Variants in ST14 observed in about 807,000 individuals in gnomAD.
ST14 encodes the protein ST14 transmembrane serine protease matriptase, also known as suppressor of tumorigenicity 14 protein.
Under a neutral mutation model 96.5 loss-of-function variants are expected in ST14, and 40 were observed. The ratio of observed to expected loss-of-function variants is 0.41; its 90% confidence interval spans 0.32 to 0.54. The LOEUF is 0.54. ST14 is among the 20% of genes least tolerant of loss of function. The pLI is 0.17. For synonymous variants in ST14, 506 were observed against 492.1 expected, an observed-to-expected ratio of 1.03 and a Z score of -0.37; for missense variants, 1,066 against 1,188.9, an observed-to-expected ratio of 0.90 and a Z score of 1.52.
chr11:130,159,852 C>T lies in ST14; in HGVS notation c.-128C>T, dbSNP rs1479502083. 12 of 324,436 alleles carry T rather than the reference C, an allele frequency of 3.7e-5. No homozygotes were observed. The highest frequency in any genetic ancestry group is 6.1e-5 in the Non-Finnish European group (12 of 196,436). The allele number at this position is 324,436 out of a possible 1,614,324, so 20.1% of individuals were successfully genotyped here. ...GCGCGCCAGGGCGAGGGCACCGCCGCCGGTCGGGCGCGCTGGGCCTGCCCG... is the reference window on the plus strand; with the variant it reads ...GCGCGCCAGGGCGAGGGCACCGCCGTCGGTCGGGCGCGCTGGGCCTGCCCG... On this transcript the variant is annotated 5_prime_UTR_variant, in exon 1 of 19. Coordinates refer to ENST00000278742, the MANE Select transcript of ST14 (RefSeq NM_021978.4).
chr11:130,170,538 G>A (rs574751649), intron 1 of ST14, among the ~76,000 whole-genome samples: 2 of 152,238 alleles, frequency 1.3e-5, no homozygotes, highest in South Asian at 4.1e-4. Flanking sequence ...GTGGCTTGTT[G>A]TGGTCCCGGG....
At chr11:130,161,622 C>T (rs1952999690) in intron 1 of ST14, among the ~76,000 whole-genome samples, 2 of 152,198 alleles carry the variant, frequency 1.3e-5, no homozygotes, top group South Asian at 4.1e-4. Flanking sequence ...TGTCTTGTCA[C>T]CTGCAAGCCC....
chr11:130,208,605 C>A lies in ST14; in HGVS notation c.2190C>A (p.Ile730=). The A allele has an allele frequency of 6.2e-7, 1 of 1,614,118 alleles. No individual in the cohort carries two copies. Among genetic ancestry groups the A allele is most frequent in the African/African-American group, 1.3e-5 (1 of 75,070 alleles). Residue 730 remains isoleucine, a synonymous_variant, in exon 17 of 19, where the codon ATC becomes ATA. Coordinates refer to ENST00000278742, the MANE Select transcript of ST14 (RefSeq NM_021978.4). ...PAEYSSMVRP[I]CLPDASHVFP... is the part of the protein sequence containing the mutation. ...AGTACAGCTCCATGGTGCGGCCCAT[C>A]TGCCTGCCGGACGCCTCCCATGTCT... is the stretch of plus-strand genomic sequence containing the variant.
intron 1 of ST14, among the ~76,000 whole-genome samples, chr11:130,172,122 C>CTT (rs61358236): frequency 1.7e-3 from 258 of 147,608 alleles, no homozygotes; most frequent in Non-Finnish European, 2.7e-3. Context: ...CTTTTGGTTG[C>CTT]TTTTTTTTTT....
intron 1 of ST14, among the ~76,000 whole-genome samples, chr11:130,172,621 G>A (rs1373509952): frequency 6.6e-6 from 1 of 151,624 alleles, no homozygotes; most frequent in African/African-American, 2.4e-5. Context: ...GTTTCACCGT[G>A]TTAGCCAGGA....
chr11:130,188,898 C>T lies in ST14; in HGVS notation c.399C>T (p.Phe133=). ...ALKLLYSGVP[F]LGPYHKESAV... is the part of the protein sequence containing the mutation. ...AGCTGCTGTACAGCGGAGTCCCATT[C>T]CTGGGCCCCTACCACAAGGAGTCGG... The change falls in exon 4 of 19, where the codon TTC becomes TTT. Residue 133 remains phenylalanine, a synonymous_variant. Transcript: ENST00000278742. This position sits in a 1 kb window ranked among gnomAD's most constrained non-coding sequence, Gnocchi z 5.4. The T allele has an allele frequency of 6.2e-7, 1 of 1,612,946 alleles. No homozygotes were observed. The highest frequency in any genetic ancestry group is 8.5e-7 in the Non-Finnish European group (1 of 1,179,632).
intron 1 of ST14, among the ~76,000 whole-genome samples, chr11:130,186,691 A>T (rs1021153472): frequency 1.3e-5 from 2 of 152,124 alleles, no homozygotes; most frequent in African/African-American, 2.4e-5. Flanking sequence ...TATGGATATA[A>T]TTTTTTTTAA....
intron 17 of ST14, 145 bp downstream of exon 17, chr11:130,208,829 G>C: frequency 1.8e-6 from 2 of 1,104,398 alleles, no homozygotes; most frequent in Non-Finnish European, 2.5e-6. Flanking sequence ...GGGCGGAATG[G>C]AGGCCTTTAG....
At chr11:130,194,064 C>T in intron 7 of ST14, 85 bp from the exon 8 acceptor site, 1 of 1,591,032 alleles carries the variant, frequency 6.3e-7, no homozygotes, top group Non-Finnish European at 8.6e-7. Context: ...GGTCCTCAGG[C>T]ACCTCTGCCT....
chr11:130,188,710 C>A lies in ST14; in HGVS notation c.369+53C>A. The A allele has an allele frequency of 1.2e-6, 2 of 1,613,754 alleles. No homozygotes were observed. Among genetic ancestry groups the A allele is most frequent in the South Asian group, 1.1e-5 (1 of 91,062 alleles). On this transcript the variant is annotated intron_variant, in intron 3 of 18. Transcript: ENST00000278742. The surrounding 1 kb of genome is among the most constrained non-coding windows in gnomAD (Gnocchi z 5.4). ...TGGGCTGTGTGCGCTGGTGTCCCAC[C>A]TGCTGGGCAGGAGGGACATGCCTCG...
chr11:130,160,078 A>G lies in ST14; in HGVS notation c.81+18A>G. 1 of 1,412,128 alleles carries G rather than the reference A, an allele frequency of 7.1e-7. No individual in the cohort carries two copies. Among genetic ancestry groups the G allele is most frequent in the Non-Finnish European group, 9.3e-7 (1 of 1,073,032 alleles). The allele number at this position is 1,412,128 out of a possible 1,614,324, so 87.5% of individuals were successfully genotyped here. ...GGCACGAGGTGAGCGCGGGCCGGGG[A>G]CCCGGGGCGCTGGGAAGCTCCTGCC... On this transcript the variant is annotated intron_variant, in intron 1 of 18. Transcript: ENST00000278742.
chr11:130,190,097 C>G lies in ST14; in HGVS notation c.599-16C>G. 6.2e-7 allele frequency: 1 copy of G among 1,614,156 alleles called. No homozygotes were observed. The highest frequency in any genetic ancestry group is 8.5e-7 in the Non-Finnish European group (1 of 1,180,014). Reference sequence around the variant, plus strand: ...ATTGTATCAGGAAATGCTTTATTCTCCTTCTTATTCTTCAGCCACGGACTC... The same window carrying G: ...ATTGTATCAGGAAATGCTTTATTCTGCTTCTTATTCTTCAGCCACGGACTC... On this transcript the variant is annotated splice_polypyrimidine_tract_variant and intron_variant, in intron 5 of 18. Transcript: ENST00000278742.
At chr11:130,194,101 G>T in intron 7 of ST14, 48 bp from the exon 8 acceptor site, 1 of 1,613,870 alleles carries the variant, frequency 6.2e-7, no homozygotes, top group East Asian at 2.2e-5. Flanking sequence ...TGTGTGAGAA[G>T]CTTGGGTTCT....
At chr11:130,199,849 G>A (rs1953408993) in intron 15 of ST14, 102 bp from the exon 16 acceptor site, 2 of 1,464,782 alleles carry the variant, frequency 1.4e-6, no homozygotes, top group Admixed American at 3.4e-5. Context: ...GCCAAAAGCT[G>A]GCTTCCCCAC....
intron 16 of ST14, among the ~76,000 whole-genome samples, chr11:130,203,364 G>A (rs1342275947): frequency 2.0e-5 from 3 of 152,104 alleles, no homozygotes; most frequent in East Asian, 1.9e-4. Flanking sequence ...CACCTTGCTC[G>A]TCCTAGCTCA....
chr11:130,201,544 A>G (rs563610731), intron 16 of ST14, among the ~76,000 whole-genome samples: 1 of 152,368 alleles, frequency 6.6e-6, no homozygotes, highest in South Asian at 2.1e-4. Context: ...ACCCAGTTCC[A>G]TGGTCCCCAG....
At position 130,210,039 on chromosome 11, in the gene ST14, G is replaced by A. The variant is rs1953536186; in HGVS notation, c.*216G>A. On this transcript the variant is annotated 3_prime_UTR_variant, in exon 19 of 19. Transcript: ENST00000278742. ...GGAGGTAGAAGGGGAGGACACTGGT[G>A]GTTCTACTGACCCAACTGGGGGCAA... 1.6e-6 allele frequency: 1 copy of A among 629,802 alleles called. No individual in the cohort carries two copies. 39.0% of individuals were successfully genotyped at this position (629,802 alleles called of 1,614,324 possible).
intron 16 of ST14, among the ~76,000 whole-genome samples, chr11:130,204,555 T>C (rs1006958207): frequency 6.6e-6 from 1 of 152,104 alleles, no homozygotes; most frequent in Non-Finnish European, 1.5e-5. Context: ...CTCATGCCTA[T>C]AATCCCAGCA....
At chr11:130,184,197 T>A (rs1326727126) in intron 1 of ST14, among the ~76,000 whole-genome samples, 3 of 152,238 alleles carry the variant, frequency 2.0e-5, no homozygotes, top group Non-Finnish European at 4.4e-5. Context: ...TAGCTGTGGA[T>A]GGTTTCATGG....
Sources: allele counts gnomAD v4.1 joint callset (sites outside exome capture counted in the v4.1 genomes callset), GRCh38; gene constraint gnomAD v4.1.1; non-coding constraint Gnocchi (gnomAD v3.1); transcripts MANE v1.5; gene names NCBI Gene and HGNC (gene_info 2026-07-23, HGNC 2026-07-21).